Variants in EPHB1 observed in about 807,000 individuals in gnomAD.
The protein encoded by EPHB1 is EPH receptor B1, also known as ephrin type-B receptor 1.
EPHB1 carries 30 observed loss-of-function variants against 94.4 expected under a neutral mutation model. The observed-to-expected ratio is 0.32, with a 90% CI of 0.24 to 0.43. The LOEUF (loss-of-function observed/expected upper bound fraction) is 0.43. EPHB1 is among the 20% of genes least tolerant of loss of function. The pLI, the probability that EPHB1 is intolerant of heterozygous loss-of-function variation, is 1.00. For synonymous variants in EPHB1, 522 were observed against 489.1 expected, an observed-to-expected ratio of 1.07 and a Z score of -0.89; for missense variants, 1,055 against 1,308.3, an observed-to-expected ratio of 0.81 and a Z score of 2.99.
At chr3:134,812,731 A>G (rs1386263979) in intron 1 of EPHB1, among the ~76,000 whole-genome samples, 1 of 152,204 alleles carries the variant, frequency 6.6e-6, no homozygotes, top group Non-Finnish European at 1.5e-5. Flanking sequence ...CCAGCAGTGT[A>G]TGAGACCCCC....
In EPHB1 at chr3:134,979,923, G is replaced by A. The variant is rs555688815; in HGVS notation, c.805+27871G>A. On this transcript the variant is annotated intron_variant, in intron 3 of 15. Transcript: ENST00000398015. ...CCCTTAATCAGTTTTTTTTGTTGTT[G>A]TTGTTACTTTGCGGCCCAAATGCAA... Among the ~76,000 whole-genome samples, 11 of 152,216 alleles carry A rather than the reference G, an allele frequency of 7.2e-5. 1 individual carries two copies. Among genetic ancestry groups the A allele is most frequent in the African/African-American group, 2.6e-4 (11 of 41,526 alleles).
At chr3:134,997,184 C>T (rs1030963245) in intron 3 of EPHB1, among the ~76,000 whole-genome samples, 2 of 152,312 alleles carry the variant, frequency 1.3e-5, no homozygotes, top group African/African-American at 2.4e-5. Flanking sequence ...ATTGATCCTT[C>T]ACCACTGATT....
intron 15 of EPHB1, among the ~76,000 whole-genome samples, chr3:135,252,027 T>C (rs1172790100): frequency 2.0e-5 from 3 of 152,008 alleles, no homozygotes; most frequent in African/African-American, 7.2e-5. Context: ...ATAAATAATT[T>C]ATAAATTATT....
At position 135,259,178 on chromosome 3, in the gene EPHB1, A is replaced by T; in HGVS notation, c.*58A>T. On this transcript the variant is annotated 3_prime_UTR_variant, in exon 16 of 16. Coordinates refer to ENST00000398015, the MANE Select transcript of EPHB1 (RefSeq NM_004441.5). ...AAAAGGACCAGGGTCAAGGGGGACCAGAGGTTGACCACTGTGGAATGTACT... is the reference window on the plus strand; with the variant it reads ...AAAAGGACCAGGGTCAAGGGGGACCTGAGGTTGACCACTGTGGAATGTACT... The T allele has an allele frequency of 2.2e-6, 3 of 1,345,916 alleles. No individual in the cohort carries two copies. Among genetic ancestry groups the T allele is most frequent in the Non-Finnish European group, 2.1e-6 (2 of 958,260 alleles). The allele number at this position is 1,345,916 out of a possible 1,614,324, so 83.4% of individuals were successfully genotyped here.
Position 135,164,947 on chromosome 3 carries a change from C to A in EPHB1, c.1586-1021C>A, listed in dbSNP as rs1167623195. Among the ~76,000 whole-genome samples the A allele has an allele frequency of 2.6e-5, 4 of 151,968 alleles. No individual in the cohort carries two copies. In the East Asian group the frequency reaches 7.7e-4, roughly 29 times the overall value. ...TCTCCCAAGCAATATTTGAGGCATACTTATACTAAAACCTTTTTCATTATT... is the reference window on the plus strand; with the variant it reads ...TCTCCCAAGCAATATTTGAGGCATAATTATACTAAAACCTTTTTCATTATT... On this transcript the variant is annotated intron_variant, in intron 7 of 15. Coordinates refer to ENST00000398015, the MANE Select transcript of EPHB1 (RefSeq NM_004441.5).
chr3:134,970,901 C>T (rs530876424), intron 3 of EPHB1, among the ~76,000 whole-genome samples: 12 of 152,334 alleles, frequency 7.9e-5, no homozygotes, highest in Admixed American at 2.0e-4. Flanking sequence ...CCATTTTCCC[C>T]ATCAGTCTTA....
chr3:135,044,252 G>T (rs975984791), intron 3 of EPHB1, among the ~76,000 whole-genome samples: 59 of 152,308 alleles, frequency 3.9e-4, no homozygotes, highest in African/African-American at 1.3e-3. Flanking sequence ...TACTGTAGCA[G>T]ATAAAGGAAA....
intron 10 of EPHB1, among the ~76,000 whole-genome samples, chr3:135,183,292 C>CTTCA (rs1399377339): frequency 1.4e-5 from 2 of 141,842 alleles, no homozygotes; most frequent in Non-Finnish European, 3.0e-5. Context: ...TCCTTCCTTC[C>CTTCA]TGGAGAGCTG....
chr3:134,945,509 T>G (rs2039202140), intron 2 of EPHB1, among the ~76,000 whole-genome samples: 1 of 152,216 alleles, frequency 6.6e-6, no homozygotes, highest in African/African-American at 2.4e-5. Context: ...TCATATTGAT[T>G]TCAGTTTTGG....
At chr3:135,194,872 A>T (rs1386960717) in intron 11 of EPHB1, among the ~76,000 whole-genome samples, 1 of 152,144 alleles carries the variant, frequency 6.6e-6, no homozygotes, top group African/African-American at 2.4e-5. Context: ...TGACTAAAAG[A>T]TTATTTCTCA....
chr3:135,039,393 T>G (rs1220453125), intron 3 of EPHB1, among the ~76,000 whole-genome samples: 21 of 152,212 alleles, frequency 1.4e-4, no homozygotes, highest in Admixed American at 1.3e-3. Context: ...GGGCTGCAGG[T>G]GGAGCTGCCT....
chr3:135,128,195 C>T (rs1940281617), intron 4 of EPHB1, among the ~76,000 whole-genome samples: 1 of 152,226 alleles, frequency 6.6e-6, no homozygotes, highest in Non-Finnish European at 1.5e-5. Context: ...TTTTCTTTCT[C>T]TGTTCTGGCT....
At chr3:135,224,544 A>T (rs970336848) in intron 12 of EPHB1, among the ~76,000 whole-genome samples, 1 of 152,156 alleles carries the variant, frequency 6.6e-6, no homozygotes, top group African/African-American at 2.4e-5. Context: ...TATGTACAGT[A>T]TATATTACAT....
chr3:134,864,369 C>A (rs2037328563), intron 1 of EPHB1, among the ~76,000 whole-genome samples: 1 of 152,208 alleles, frequency 6.6e-6, no homozygotes. Context: ...CCTCAAGAGG[C>A]AGCTTGCCTT....
At chr3:134,860,168 C>G (rs199943383) in intron 1 of EPHB1, among the ~76,000 whole-genome samples, 15 of 55,564 alleles carry the variant, frequency 2.7e-4, no homozygotes, top group South Asian at 1.6e-3. Flanking sequence ...CACACACACA[C>G]ACAGACACAC....
intron 1 of EPHB1, among the ~76,000 whole-genome samples, chr3:134,805,348 C>G (rs2108283826): frequency 6.6e-6 from 1 of 152,292 alleles, no homozygotes; most frequent in East Asian, 1.9e-4. Context: ...ATCAGAAAAT[C>G]CACCGCATTT....
chr3:134,995,136 T>G (rs1173479746), intron 3 of EPHB1, among the ~76,000 whole-genome samples: 2 of 152,162 alleles, frequency 1.3e-5, no homozygotes, highest in Non-Finnish European at 2.9e-5. Context: ...GGCCAGCACC[T>G]TTCCTCCTTC....
chr3:134,945,685 T>G (rs2039203938), intron 2 of EPHB1, among the ~76,000 whole-genome samples: 1 of 152,158 alleles, frequency 6.6e-6, no homozygotes, highest in Non-Finnish European at 1.5e-5. Context: ...CAAATCATGG[T>G]GTTTTGCTGT....
chr3:134,833,393 C>G (rs965903554), intron 1 of EPHB1, among the ~76,000 whole-genome samples: 2 of 152,188 alleles, frequency 1.3e-5, no homozygotes, highest in South Asian at 4.1e-4. Flanking sequence ...CCCCAACAGG[C>G]CAGGCAGCAC....
Sources: allele counts gnomAD v4.1 joint callset (sites outside exome capture counted in the v4.1 genomes callset), GRCh38; gene constraint gnomAD v4.1.1; transcripts MANE v1.5; gene names NCBI Gene and HGNC (gene_info 2026-07-23, HGNC 2026-07-21).